Variants in FAXDC2 observed in about 807,000 individuals in gnomAD.
FAXDC2 encodes the protein fatty acid hydroxylase domain-containing protein 2.
In FAXDC2, 41 loss-of-function variants were observed where a neutral mutation model predicts 40.9. The ratio of observed to expected loss-of-function variants is 1.00; its 90% CI spans 0.78 to 1.30. The LOEUF is 1.30. Among genes scored for constraint, FAXDC2 ranks in the 50% most tolerant of loss-of-function variants. The pLI is 0.00. For synonymous variants in FAXDC2, 157 were observed against 149.3 expected, an observed-to-expected ratio of 1.05 and a Z score of -0.38; for missense variants, 390 against 408.8, an observed-to-expected ratio of 0.95 and a Z score of 0.40.
At chr5:154,823,344 A>T in intron 6 of FAXDC2, 43 bp downstream of exon 6, 1 of 1,583,254 alleles carries the variant, frequency 6.3e-7, no homozygotes. Context: ...TGAGCCCTAG[A>T]CAGGATGAGG....
In FAXDC2 at chr5:154,823,376, G is replaced by A. The variant is rs750264905; in HGVS notation, c.572+11C>T. ...GAGGAGCCAGCTGTGCCTCAGGCAG[G>A]GCCTGCTCACCGGTGTGAATAGTAG... On this transcript the variant is annotated intron_variant, in intron 6 of 8. Transcript: ENST00000326080. 1.9e-6 allele frequency: 3 copies of A among 1,612,376 alleles called. No individual in the cohort carries two copies. The highest frequency in any genetic ancestry group is 2.5e-6 in the Non-Finnish European group (3 of 1,179,500).
chr5:154,842,524 T>G (rs1404565132), intron 1 of FAXDC2, among the ~76,000 whole-genome samples: 5,839 of 118,820 alleles, frequency 0.049, 338 homozygotes, highest in African/African-American at 0.13. Context: ...TTTTTTTTTT[T>G]TTTTTTTTTT....
At chr5:154,848,984 C>T (rs750788768) in intron 1 of FAXDC2, among the ~76,000 whole-genome samples, 16 of 137,940 alleles carry the variant, frequency 1.2e-4, no homozygotes, top group Non-Finnish European at 1.9e-4. Flanking sequence ...CAAAAAAAAA[C>T]AAAGATGAAA....
chr5:154,846,164 G>A (rs1285415640), intron 1 of FAXDC2, among the ~76,000 whole-genome samples: 2 of 152,004 alleles, frequency 1.3e-5, no homozygotes, highest in Admixed American at 1.3e-4. Flanking sequence ...GACTACAAAA[G>A]TATAGAATAC....
At chr5:154,831,453 T>C (rs1760188919) in intron 4 of FAXDC2, among the ~76,000 whole-genome samples, 1 of 148,684 alleles carries the variant, frequency 6.7e-6, no homozygotes, top group Non-Finnish European at 1.5e-5. Flanking sequence ...TGTTGTTTGT[T>C]TGTTTGTTTT....
At chr5:154,824,370 A>G in intron 5 of FAXDC2, 1 of 652,148 alleles carries the variant, frequency 1.5e-6, no homozygotes, top group Non-Finnish European at 2.8e-6. Context: ...GTTTGGTTAG[A>G]AGGGATTTCT....
intron 4 of FAXDC2, chr5:154,831,124 T>G (rs1287321008): frequency 4.0e-6 from 2 of 496,844 alleles, no homozygotes; most frequent in East Asian, 6.3e-5. Flanking sequence ...CTCCATTTTC[T>G]TAGCCATAAA....
At chr5:154,848,839 C>G (rs957492663) in intron 1 of FAXDC2, among the ~76,000 whole-genome samples, 5 of 151,392 alleles carry the variant, frequency 3.3e-5, no homozygotes, top group African/African-American at 1.2e-4. Flanking sequence ...TGGTGGTGCA[C>G]GCCTGTAATC....
chr5:154,824,783 AC>A (rs1759980211), intron 5 of FAXDC2: 2 of 524,332 alleles, frequency 3.8e-6, no homozygotes. Flanking sequence ...ACTAGACACA[AC>A]AAATATAAAA....
intron 5 of FAXDC2, among the ~76,000 whole-genome samples, chr5:154,827,384 A>G (rs1017849476): frequency 6.6e-6 from 1 of 151,024 alleles, no homozygotes; most frequent in Non-Finnish European, 1.5e-5. Flanking sequence ...ACTCTCTCAA[A>G]GAACTTTGCT....
intron 4 of FAXDC2, chr5:154,831,402 T>A (rs1760186058): frequency 6.5e-6 from 1 of 154,360 alleles, no homozygotes; most frequent in Non-Finnish European, 1.4e-5. Flanking sequence ...TCAGGTGTCA[T>A]CTAGTCAGTA....
intron 2 of FAXDC2, among the ~76,000 whole-genome samples, chr5:154,836,656 C>CT (rs113249245): frequency 0.025 from 3,667 of 148,870 alleles, 140 homozygotes; most frequent in African/African-American, 0.086. Context: ...TACTTTTTTA[C>CT]TTTTTTTTTT....
At chr5:154,837,287 G>T (rs567312648) in intron 2 of FAXDC2, among the ~76,000 whole-genome samples, 17 of 150,270 alleles carry the variant, frequency 1.1e-4, no homozygotes, top group East Asian at 9.7e-4. Flanking sequence ...TTGTTTTTTT[G>T]TTTGTTTGTT....
chr5:154,821,024 C>T (rs1759874256), intron 8 of FAXDC2: 1 of 515,834 alleles, frequency 1.9e-6, no homozygotes, highest in African/African-American at 2.0e-5. Flanking sequence ...ATGTCCAGAG[C>T]TTATTCAAAG....
At chr5:154,824,594 C>G in intron 5 of FAXDC2, 2 of 702,286 alleles carry the variant, frequency 2.8e-6, no homozygotes, top group South Asian at 3.0e-5. Context: ...GGCCATTACA[C>G]CTTCTGGAAA....
At chr5:154,838,425 C>CAAAAAATGTATGATAT (rs1246653553) in intron 1 of FAXDC2, 4 of 491,542 alleles carry the variant, frequency 8.1e-6, no homozygotes, top group Non-Finnish European at 1.4e-5. Flanking sequence ...ACTAGGTCTA[C>CAAAAAATGTATGATAT]CAACTACAAA....
chr5:154,820,303 C>A lies in FAXDC2; in HGVS notation c.*13G>T. The A allele has an allele frequency of 6.3e-7, 1 of 1,592,556 alleles. No individual in the cohort carries two copies. The highest frequency in any genetic ancestry group is 2.3e-5 in the East Asian group (1 of 44,206). ...TGGCTGAGGGACAGCCAGGATGACA[C>A]TTAGGCTGTCTCTCACTCCATCCTC... is the stretch of plus-strand genomic sequence containing the variant. On this transcript the variant is annotated 3_prime_UTR_variant, in exon 9 of 9. Coordinates refer to ENST00000326080, the MANE Select transcript of FAXDC2 (RefSeq NM_032385.5).
intron 4 of FAXDC2, chr5:154,831,157 T>G: frequency 2.3e-6 from 1 of 426,824 alleles, no homozygotes; most frequent in Non-Finnish European, 4.3e-6. Flanking sequence ...TTCAAGGTGG[T>G]TGGTGGTTTT....
chr5:154,838,712 C>T (rs1238426291), intron 1 of FAXDC2: 1 of 157,258 alleles, frequency 6.4e-6, no homozygotes, highest in Non-Finnish European at 1.4e-5. Context: ...CATTCTCCTG[C>T]TCAGCCTCCT....
Sources: allele counts gnomAD v4.1 joint callset (sites outside exome capture counted in the v4.1 genomes callset), GRCh38; gene constraint gnomAD v4.1.1; transcripts MANE v1.5; gene names NCBI Gene and HGNC (gene_info 2026-07-23, HGNC 2026-07-21).